The following PALS1 variants were observed in gnomAD, a reference collection of about 807,000 sequenced individuals.
The protein encoded by PALS1 is protein PALS1.
PALS1 carries 31 observed loss-of-function variants against 78.9 expected under a neutral mutation model. The observed-to-expected ratio is 0.39, with a 90% confidence interval of 0.30 to 0.53. The LOEUF is 0.53. PALS1 is among the 20% of genes least tolerant of loss of function. PALS1 has a pLI of 0.67. For missense variants in PALS1, 704 were observed against 826.5 expected (o/e 0.85, Z 1.82); for synonymous variants, 276 against 270.9 (o/e 1.02, Z -0.18).
intron 10 of PALS1, 129 bp downstream of exon 10, chr14:67,317,032 A>G (rs538927109): frequency 1.8e-5 from 12 of 651,804 alleles, no homozygotes; most frequent in Non-Finnish European, 3.2e-5. Flanking sequence ...AAAACTGATT[A>G]TCTCAGAACT....
At chr14:67,288,964 C>CTTTTTTTT (rs36044460) in intron 3 of PALS1, among the ~76,000 whole-genome samples, 1 of 107,078 alleles carries the variant, frequency 9.3e-6, no homozygotes. Context: ...TCTTTATTTC[C>CTTTTTTTT]TTTTTTTTTT....
At chr14:67,323,261 G>GTGTGTGTGTGTGTGTATA (rs1429954753) in intron 13 of PALS1, among the ~76,000 whole-genome samples, 12 of 124,190 alleles carry the variant, frequency 9.7e-5, no homozygotes, top group African/African-American at 3.0e-4. Context: ...GTGTGTGTGT[G>GTGTGTGTGTGTGTGTATA]TATATATATA....
At chr14:67,301,822 G>T in intron 5 of PALS1, 150 bp from the exon 6 acceptor site, 1 of 902,316 alleles carries the variant, frequency 1.1e-6, no homozygotes, top group South Asian at 2.5e-5. Flanking sequence ...TATGCCCTTA[G>T]TATACTTAAC....
At chr14:67,305,476 T>A (rs2084988446) in intron 8 of PALS1, among the ~76,000 whole-genome samples, 2 of 152,174 alleles carry the variant, frequency 1.3e-5, no homozygotes, top group Admixed American at 1.3e-4. Flanking sequence ...GAGATGGCTT[T>A]CACTATGTTG....
chr14:67,330,007 A>AT (rs1241047087), intron 14 of PALS1, among the ~76,000 whole-genome samples: 5 of 151,124 alleles, frequency 3.3e-5, no homozygotes, highest in East Asian at 1.9e-4. Context: ...TAAAGATGTG[A>AT]TTTTTTTCTT....
At chr14:67,328,502 T>G (rs2085394544) in intron 14 of PALS1, among the ~76,000 whole-genome samples, 1 of 152,230 alleles carries the variant, frequency 6.6e-6, no homozygotes, top group Non-Finnish European at 1.5e-5. Flanking sequence ...TTTGTCAATT[T>G]TGAGTTTTGT....
intron 3 of PALS1, among the ~76,000 whole-genome samples, chr14:67,284,568 A>AC (rs1567520594): frequency 7.1e-6 from 1 of 140,060 alleles, no homozygotes; most frequent in Non-Finnish European, 1.6e-5. Flanking sequence ...AAAAAAAAAA[A>AC]AAAAAAAAAA....
intron 2 of PALS1, among the ~76,000 whole-genome samples, chr14:67,276,484 C>T (rs1249314813): frequency 6.6e-6 from 1 of 152,080 alleles, no homozygotes; most frequent in African/African-American, 2.4e-5. Context: ...TTACCACAGA[C>T]CAAGTTTTAT....
intron 2 of PALS1, among the ~76,000 whole-genome samples, 198 bp from the exon 3 acceptor site, chr14:67,278,820 A>G (rs2084552758): frequency 6.6e-6 from 1 of 152,108 alleles, no homozygotes; most frequent in Non-Finnish European, 1.5e-5. Context: ...ACATTTTTGG[A>G]AAGGGACTTT....
At chr14:67,245,616 T>C (rs572766322) in intron 1 of PALS1, among the ~76,000 whole-genome samples, 3 of 152,166 alleles carry the variant, frequency 2.0e-5, no homozygotes. Context: ...CCTCCCAAAG[T>C]GGTGGGATAA....
At chr14:67,257,752 T>G (rs1328953523) in intron 1 of PALS1, among the ~76,000 whole-genome samples, 1 of 152,190 alleles carries the variant, frequency 6.6e-6, no homozygotes, top group Non-Finnish European at 1.5e-5. Context: ...GTTAAAAGTG[T>G]TCTCTATGCA....
intron 3 of PALS1, chr14:67,279,860 G>T: frequency 3.8e-6 from 1 of 264,450 alleles, no homozygotes; most frequent in Non-Finnish European, 7.0e-6. Flanking sequence ...TACTAAAAAA[G>T]AATTTTCAGA....
intron 14 of PALS1, among the ~76,000 whole-genome samples, chr14:67,325,902 G>A (rs1273661143): frequency 6.6e-6 from 1 of 151,056 alleles, no homozygotes; most frequent in African/African-American, 2.4e-5. Context: ...TCCGCCTCCT[G>A]GGTTCGAGCT....
intron 12 of PALS1, 72 bp downstream of exon 12, chr14:67,320,469 G>C (rs1378029168): frequency 5.8e-6 from 8 of 1,376,408 alleles, no homozygotes; most frequent in Non-Finnish European, 6.7e-6. Flanking sequence ...ATATCATGTA[G>C]GGAAATTTTT....
At chr14:67,299,186 G>C (rs2084898557) in intron 4 of PALS1, among the ~76,000 whole-genome samples, 1 of 152,064 alleles carries the variant, frequency 6.6e-6, no homozygotes, top group South Asian at 2.1e-4. Flanking sequence ...ATGTGTATTG[G>C]CTATTTCTCT....
Position 67,284,438 on chromosome 14 carries a change from A to AAAAAAAAAC in PALS1, c.367+4907_367+4908insAACAAAAAA, listed in dbSNP as rs1329419021. 2.1e-5 allele frequency among the ~76,000 whole-genome samples: 3 copies of AAAAAAAAAC among 145,810 alleles called. 1 individual carries two copies. In the Admixed American group the frequency reaches 2.1e-4, roughly 10 times the overall value. On this transcript the variant is annotated intron_variant, in intron 3 of 14. Coordinates refer to ENST00000261681, the MANE Select transcript of PALS1 (RefSeq NM_022474.4). ...CATAGACCCTATCTCTTAAAAAAAAAAAAAAACAGCTGGGCATGGTGGTAT... is the reference window on the plus strand; with the variant it reads ...CATAGACCCTATCTCTTAAAAAAAAAAAAAAAAACAAAAAACAGCTGGGCATGGTGGTAT...
intron 4 of PALS1, among the ~76,000 whole-genome samples, chr14:67,296,323 G>A (rs979374791): frequency 3.9e-5 from 6 of 152,182 alleles, no homozygotes; most frequent in South Asian, 2.1e-4. Context: ...TCCAGACGCC[G>A]GATGCAGTGG....
intron 1 of PALS1, among the ~76,000 whole-genome samples, chr14:67,242,598 A>G (rs546786424): frequency 3.4e-4 from 52 of 152,290 alleles, no homozygotes; most frequent in African/African-American, 1.0e-3. Context: ...GAAACTTATT[A>G]AATAAGCTTC....
At chr14:67,325,112 A>T (rs539487202) in intron 14 of PALS1, among the ~76,000 whole-genome samples, 1 of 151,752 alleles carries the variant, frequency 6.6e-6, no homozygotes, top group Non-Finnish European at 1.5e-5. Flanking sequence ...TCACCATGTT[A>T]GCCAGGATGG....
Sources: allele counts gnomAD v4.1 joint callset (sites outside exome capture counted in the v4.1 genomes callset), GRCh38; gene constraint gnomAD v4.1.1; transcripts MANE v1.5; gene names NCBI Gene and HGNC (gene_info 2026-07-23, HGNC 2026-07-21).